SORCS2: variants seen among roughly 807,000 people sequenced by gnomAD.
SORCS2 encodes sortilin related VPS10 domain containing receptor 2.
Under a neutral mutation model 141.6 loss-of-function variants are expected in SORCS2, and 100 were observed. The observed-to-expected ratio is 0.71, with a 90% CI of 0.60 to 0.83. The LOEUF (loss-of-function observed/expected upper bound fraction) is 0.83, where lower values mean the gene tolerates loss of function less well. Ranked by LOEUF, SORCS2 falls within the 40% of genes least tolerant of loss-of-function variation. The pLI, the probability that SORCS2 is intolerant of heterozygous loss-of-function variation, is 0.00. For synonymous variants in SORCS2, 789 were observed against 676.9 expected (o/e 1.17, Z -2.57); for missense variants, 1,646 against 1,560.2 (o/e 1.05, Z -0.93).
intron 3 of SORCS2, among the ~76,000 whole-genome samples, chr4:7,603,651 G>A (rs143133760): frequency 9.2e-4 from 140 of 152,166 alleles, no homozygotes; most frequent in African/African-American, 3.3e-3. Flanking sequence ...GTCTTTGGGG[G>A]CCTAATTAAT....
At chr4:7,348,365 A>G (rs964144683) in intron 1 of SORCS2, among the ~76,000 whole-genome samples, 7 of 152,230 alleles carry the variant, frequency 4.6e-5, no homozygotes, top group African/African-American at 1.4e-4. Context: ...TTGAGGGCTT[A>G]TGCTGTGTCG....
intron 1 of SORCS2, among the ~76,000 whole-genome samples, chr4:7,256,772 G>A (rs1288685009): frequency 5.4e-5 from 8 of 148,918 alleles, no homozygotes; most frequent in South Asian, 2.2e-4. Context: ...GAAAGGGGGC[G>A]TCCAGCATGA....
chr4:7,207,573 T>C (rs1326052412), intron 1 of SORCS2, among the ~76,000 whole-genome samples: 1 of 152,144 alleles, frequency 6.6e-6, no homozygotes, highest in Non-Finnish European at 1.5e-5. Context: ...GCTGGCAGGA[T>C]CCCTCCTTAT....
At chr4:7,476,055 G>A (rs1031033188) in intron 2 of SORCS2, among the ~76,000 whole-genome samples, 93 of 152,306 alleles carry the variant, frequency 6.1e-4, no homozygotes, top group African/African-American at 2.1e-3. Context: ...GAAGGCTCTC[G>A]CTGGCCTATA....
Position 7,271,115 on chromosome 4 carries a change from T to C in SORCS2, c.480+77989T>C, listed in dbSNP as rs567396481. On this transcript the variant is annotated intron_variant, in intron 1 of 26. Coordinates refer to ENST00000507866, the MANE Select transcript of SORCS2 (RefSeq NM_020777.3). ...CTTGATCATGGAGGTAGGTGGTACT[T>C]GGACAACCTCCCAGCTGGTCCCCTG... 2.5e-4 allele frequency among the ~76,000 whole-genome samples: 38 copies of C among 152,320 alleles called. 1 individual carries two copies. In the South Asian group the frequency reaches 7.7e-3, roughly 31 times the overall value.
At chr4:7,580,877 T>G (rs1716098195) in intron 3 of SORCS2, among the ~76,000 whole-genome samples, 1 of 152,076 alleles carries the variant, frequency 6.6e-6, no homozygotes, top group Admixed American at 6.5e-5. Context: ...TGACGAAAGT[T>G]TACTGGGAGG....
At chr4:7,707,540 G>A (rs1377907199) in intron 14 of SORCS2, among the ~76,000 whole-genome samples, 1 of 152,192 alleles carries the variant, frequency 6.6e-6, no homozygotes. Flanking sequence ...CTTCAATTCA[G>A]TCCCAGCCCA....
chr4:7,361,601 T>C (rs1721582821), intron 1 of SORCS2, among the ~76,000 whole-genome samples: 1 of 151,900 alleles, frequency 6.6e-6, no homozygotes, highest in African/African-American at 2.4e-5. Flanking sequence ...TGAATAACAC[T>C]CTGTTATAAT....
rs567386652 is a variant in SORCS2 at position 7,610,941 on chromosome 4, A to G, written c.649-27387A>G. Among the ~76,000 whole-genome samples the G allele has an allele frequency of 7.8e-4, 119 of 152,284 alleles. 1 individual carries two copies. Among genetic ancestry groups the G allele is most frequent in the Non-Finnish European group, 1.3e-3 (86 of 68,014 alleles). ...CAGGGACTTTCAGATTCAGTCATTT[A>G]GTTACTGGCCATTCATCAACATCTC... On this transcript the variant is annotated intron_variant, in intron 3 of 26. Transcript: ENST00000507866.
intron 1 of SORCS2, among the ~76,000 whole-genome samples, chr4:7,282,369 T>C (rs900674039): frequency 4.6e-5 from 7 of 152,210 alleles, no homozygotes; most frequent in Non-Finnish European, 8.8e-5. Flanking sequence ...CATTATGATG[T>C]TTGGGGAAAA....
At chr4:7,266,969 TG>T (rs899586965) in intron 1 of SORCS2, among the ~76,000 whole-genome samples, 1 of 120,752 alleles carries the variant, frequency 8.3e-6, no homozygotes, top group Admixed American at 8.6e-5. Context: ...GAAGAATCAG[TG>T]GGGGGTGGGG....
At chr4:7,721,356 C>T (rs1301825826) in intron 18 of SORCS2, among the ~76,000 whole-genome samples, 1 of 152,130 alleles carries the variant, frequency 6.6e-6, no homozygotes, top group Non-Finnish European at 1.5e-5. Flanking sequence ...ATCCCAGCTA[C>T]TTGGGAGGCT....
chr4:7,694,175 T>C (rs28585597), intron 11 of SORCS2, among the ~76,000 whole-genome samples: 3,253 of 152,244 alleles, frequency 0.021, 118 homozygotes, highest in African/African-American at 0.075. Context: ...CTTCATTCAG[T>C]GAGCACTGAC....
intron 1 of SORCS2, among the ~76,000 whole-genome samples, chr4:7,314,328 T>A (rs1718404902): frequency 1.4e-5 from 1 of 72,524 alleles, no homozygotes; most frequent in Non-Finnish European, 3.5e-5. Flanking sequence ...ATGGCCTTTT[T>A]TTTATTTTTT....
intron 26 of SORCS2, among the ~76,000 whole-genome samples, chr4:7,738,329 C>A (rs1254003030): frequency 6.6e-6 from 1 of 152,242 alleles, no homozygotes; most frequent in Non-Finnish European, 1.5e-5. Context: ...CCATGCCTGT[C>A]TCAGCTCAGC....
chr4:7,674,498 G>T (rs113905866), intron 8 of SORCS2, among the ~76,000 whole-genome samples: 3,675 of 150,640 alleles, frequency 0.024, 160 homozygotes, highest in African/African-American at 0.086. Context: ...GTGTGAACCC[G>T]GGGGGGCAGA....
chr4:7,666,321 ATTGT>A (rs1336083785), intron 7 of SORCS2, among the ~76,000 whole-genome samples: 2 of 151,996 alleles, frequency 1.3e-5, no homozygotes, highest in Admixed American at 6.5e-5. Flanking sequence ...TGCTCGCGAC[ATTGT>A]TTGTGAGGGG....
chr4:7,436,510 G>A (rs753652344), intron 2 of SORCS2, among the ~76,000 whole-genome samples: 1 of 152,210 alleles, frequency 6.6e-6, no homozygotes, highest in African/African-American at 2.4e-5. Context: ...GCACTGAGGG[G>A]GTGCGACCCA....
chr4:7,353,286 C>T lies in SORCS2; in HGVS notation c.481-43002C>T, dbSNP rs181671964. On this transcript the variant is annotated intron_variant, in intron 1 of 26. Coordinates refer to ENST00000507866, the MANE Select transcript of SORCS2 (RefSeq NM_020777.3). The stretch of plus-strand genomic sequence containing the variant: ...TGGCAGGTCCCCAGGATGCTGGGAC[C>T]CAAGTGGGCTGGCAGGGATTCTCCC... 4.6e-3 allele frequency among the ~76,000 whole-genome samples: 706 copies of T among 152,250 alleles called. 3 individuals are homozygous for T. The highest frequency in any genetic ancestry group is 7.1e-3 in the Admixed American group (109 of 15,290).
Sources: allele counts gnomAD v4.1 joint callset (sites outside exome capture counted in the v4.1 genomes callset), GRCh38; gene constraint gnomAD v4.1.1; transcripts MANE v1.5; gene names NCBI Gene and HGNC (gene_info 2026-07-23, HGNC 2026-07-21).